SC5D: variants seen among roughly 807,000 people sequenced by gnomAD.
The protein encoded by SC5D is sterol-C5-desaturase, also known as lathosterol oxidase.
Under a neutral mutation model 23.9 loss-of-function variants are expected in SC5D, and 21 were observed. The ratio of observed to expected loss-of-function variants is 0.88; its 90% CI spans 0.62 to 1.26. SC5D has a LOEUF of 1.26. SC5D is among the 50% of genes most tolerant of loss of function. The probability of loss-of-function intolerance (pLI) is 0.00; values close to 1 mark genes in which losing one functional copy is unlikely to be tolerated. For missense variants in SC5D, 309 were observed against 364.8 expected (o/e 0.85, Z 1.25); for synonymous variants, 113 against 125.9 (o/e 0.90, Z 0.68).
intron 3 of SC5D, 115 bp from the exon 4 acceptor site, chr11:121,306,271 C>A: frequency 5.7e-6 from 4 of 704,990 alleles, no homozygotes; most frequent in Non-Finnish European, 1.1e-5. Flanking sequence ...CAGAACAGAT[C>A]ATTTATAATG....
intron 3 of SC5D, chr11:121,306,146 G>A: frequency 4.2e-6 from 2 of 479,602 alleles, no homozygotes; most frequent in Non-Finnish European, 7.6e-6. Flanking sequence ...TATCTTTATA[G>A]TTTAATTAAG....
chr11:121,304,097 TC>T (rs1947944869), intron 2 of SC5D: 1 of 404,262 alleles, frequency 2.5e-6, no homozygotes, highest in African/African-American at 2.0e-5. Flanking sequence ...AAATGGTTAT[TC>T]CATAAATAGA....
At chr11:121,294,431 C>T (rs1947875105) in intron 1 of SC5D, among the ~76,000 whole-genome samples, 1 of 152,086 alleles carries the variant, frequency 6.6e-6, no homozygotes. Flanking sequence ...ACTCTTATGA[C>T]CCTATGCAAG....
rs1947971382 is a variant in SC5D at position 121,307,074 on chromosome 11, C to T, written c.462C>T (p.His154=). The T allele has an allele frequency of 1.2e-6, 2 of 1,614,076 alleles. No homozygotes were observed. The highest frequency in any genetic ancestry group is 1.7e-6 in the Non-Finnish European group (2 of 1,179,962). Residue 154 remains histidine (H), a synonymous_variant, in exon 5 of 5, where the codon CAC becomes CAT. Transcript: ENST00000264027. ...RLVYKRLHKP[H]HIWKIPTPFA... ...TCCTGCAGCGCCTACATAAACCTCA[C>T]CATATTTGGAAGATTCCTACTCCAT... is the stretch of plus-strand genomic sequence containing the variant.
chr11:121,305,754 AC>A (rs1380254597), intron 3 of SC5D: 1 of 152,482 alleles, frequency 6.6e-6, no homozygotes, highest in South Asian at 2.1e-4. Context: ...AGAAGAAGGA[AC>A]AAAAAATTAT....
intron 2 of SC5D, chr11:121,304,016 C>G: frequency 3.7e-6 from 1 of 271,818 alleles, no homozygotes. Flanking sequence ...TTGTACTTGT[C>G]AGTGACTCCA....
At chr11:121,306,885 A>G (rs1188046121) in intron 4 of SC5D, 172 bp from the exon 5 acceptor site, 25 of 700,524 alleles carry the variant, frequency 3.6e-5, no homozygotes, top group Admixed American at 6.2e-5. Flanking sequence ...GTACTCATAA[A>G]TCCATATAAA....
intron 1 of SC5D, among the ~76,000 whole-genome samples, chr11:121,295,884 C>T (rs530651330): frequency 3.3e-5 from 5 of 152,288 alleles, no homozygotes; most frequent in African/African-American, 1.2e-4. Context: ...CGTGGGTTAT[C>T]CAAATCCTGT....
At position 121,307,160 on chromosome 11, in the gene SC5D, A is replaced by G. The variant is rs2134270817; in HGVS notation, c.548A>G (p.Tyr183Cys). ...GFLQSLPYHI[Y>C]PFIFPLHKVV... ...CTTCAGAGTCTACCTTACCATATAT[A>G]CCCTTTTATCTTTCCATTACACAAG... The change falls in exon 5 of 5, where the codon TAC (tyrosine) becomes TGC (cysteine). Residue 183 changes from tyrosine (Y) to cysteine (C), a missense_variant. Tyr to Cys is a radical substitution (Grantham distance 194). Transcript: ENST00000264027. The G allele has an allele frequency of 6.2e-7, 1 of 1,613,990 alleles. No individual in the cohort carries two copies. Among genetic ancestry groups the G allele is most frequent in the Non-Finnish European group, 8.5e-7 (1 of 1,179,906 alleles).
Position 121,308,435 on chromosome 11 carries a change from G to C in SC5D, c.*923G>C, listed in dbSNP as rs112837976. 177 of 152,176 alleles carry C rather than the reference G, an allele frequency of 1.2e-3. No homozygotes were observed. The highest frequency in any genetic ancestry group is 3.7e-3 in the African/African-American group (155 of 41,508). 9.4% of individuals were successfully genotyped at this position (152,176 alleles called of 1,614,324 possible). A position where few individuals can be genotyped will look rare whatever the true frequency, so the allele number is the denominator to read the frequency against. On this transcript the variant is annotated 3_prime_UTR_variant, in exon 5 of 5. Coordinates refer to ENST00000264027, the MANE Select transcript of SC5D (RefSeq NM_006918.5). ...AAAGGAAATAATTGCCAAATACCTAGGCCCATTGCTGACGATTAGTTCTAA... is the reference window on the plus strand; with the variant it reads ...AAAGGAAATAATTGCCAAATACCTACGCCCATTGCTGACGATTAGTTCTAA...
At chr11:121,301,748 T>C (rs190459423) in intron 1 of SC5D, among the ~76,000 whole-genome samples, 5 of 152,304 alleles carry the variant, frequency 3.3e-5, no homozygotes, top group Admixed American at 2.0e-4. Flanking sequence ...TTTTATGGTA[T>C]GTGAATTATA....
chr11:121,304,061 T>C (rs1354658872), intron 2 of SC5D: 1 of 346,246 alleles, frequency 2.9e-6, no homozygotes, highest in East Asian at 7.3e-5. Flanking sequence ...ATAGAGAGGA[T>C]TGGGGATGGA....
intron 1 of SC5D, among the ~76,000 whole-genome samples, chr11:121,295,213 C>T (rs1034645303): frequency 2.6e-5 from 4 of 152,154 alleles, no homozygotes; most frequent in African/African-American, 9.7e-5. Flanking sequence ...CTCAGGAAGC[C>T]CTGACAATAT....
intron 2 of SC5D, chr11:121,304,116 A>G (rs548777810): frequency 1.1e-5 from 5 of 441,010 alleles, no homozygotes; most frequent in African/African-American, 1.0e-4. Context: ...AGAAGTTTAG[A>G]ATGCAGATTT....
chr11:121,294,225 T>C (rs2134260985), intron 1 of SC5D, among the ~76,000 whole-genome samples: 1 of 152,342 alleles, frequency 6.6e-6, no homozygotes, highest in Non-Finnish European at 1.5e-5. Context: ...GTACTTAATT[T>C]AGGGTCCTTG....
rs566838476 is a variant in SC5D, at chr11:121,312,268, A to G, written c.*4756A>G. ...TTTTGGTATGGGAAGAAAAATACTT[A>G]TAAATACTTGTTTTAATATTTGCTT... On this transcript the variant is annotated 3_prime_UTR_variant, in exon 5 of 5. Coordinates refer to ENST00000264027, the MANE Select transcript of SC5D (RefSeq NM_006918.5). 7.9e-5 allele frequency among the ~76,000 whole-genome samples: 12 copies of G among 152,314 alleles called. No individual in the cohort carries two copies. The South Asian group carries it at 2.5e-3, about 32-fold the overall frequency.
At chr11:121,300,141 A>C (rs867560524) in intron 1 of SC5D, among the ~76,000 whole-genome samples, 3 of 152,242 alleles carry the variant, frequency 2.0e-5, no homozygotes, top group Admixed American at 2.0e-4. Context: ...GCAACAAAAC[A>C]CTGACAGAAG....
intron 1 of SC5D, among the ~76,000 whole-genome samples, chr11:121,295,872 A>G (rs1004591870): frequency 2.0e-5 from 3 of 152,052 alleles, no homozygotes; most frequent in Non-Finnish European, 2.9e-5. Context: ...CTTCCCAGCA[A>G]ACGTGGGTTA....
Position 121,310,692 on chromosome 11 carries a change from C to T in SC5D, c.*3180C>T, listed in dbSNP as rs1948004099. Among the ~76,000 whole-genome samples, 2 of 151,988 alleles carry T rather than the reference C, an allele frequency of 1.3e-5. No homozygotes were observed. The highest frequency in any genetic ancestry group is 2.9e-5 in the Non-Finnish European group (2 of 68,010). ...AGCCAGGATGGTCTTGATCTCCTGA[C>T]CTCATGATCTGCCTGCCTCGGCCTC... On this transcript the variant is annotated 3_prime_UTR_variant, in exon 5 of 5. Transcript: ENST00000264027.
Sources: allele counts gnomAD v4.1 joint callset (sites outside exome capture counted in the v4.1 genomes callset), GRCh38; gene constraint gnomAD v4.1.1; transcripts MANE v1.5; gene names NCBI Gene and HGNC (gene_info 2026-07-23, HGNC 2026-07-21).